The following DGLUCY variants were observed in gnomAD, a reference collection of about 807,000 sequenced individuals.
DGLUCY encodes D-glutamate cyclase, mitochondrial.
In DGLUCY, 58 loss-of-function variants were observed where a neutral mutation model predicts 58.5. The ratio of observed to expected loss-of-function variants is 0.99; its 90% CI spans 0.80 to 1.23. The LOEUF (loss-of-function observed/expected upper bound fraction) is 1.23, where lower values mean the gene tolerates loss of function less well. DGLUCY is among the 50% of genes most tolerant of loss of function. The pLI is 0.00. For missense variants in DGLUCY, 779 were observed against 784.7 expected, an observed-to-expected ratio of 0.99 and a Z score of 0.09; for synonymous variants, 325 against 314.1, an observed-to-expected ratio of 1.03 and a Z score of -0.37.
Position 91,170,002 on chromosome 14 carries a change from G to A in DGLUCY, c.258-1G>A, listed in dbSNP as rs531687748. On this transcript the variant is annotated splice_acceptor_variant, in intron 4 of 13. Transcript: ENST00000256324. LOFTEE classifies it high-confidence loss of function. ...TCCCAGCTTTCCCCTTATGTCCCCA[G>A]GATGGGCCATCCCCAGTTCTGGAAA... is the stretch of plus-strand genomic sequence containing the variant. The A allele has an allele frequency of 3.1e-6, 5 of 1,612,130 alleles. No homozygotes were observed. Among genetic ancestry groups the A allele is most frequent in the Non-Finnish European group, 4.2e-6 (5 of 1,179,992 alleles).
At chr14:91,198,083 C>T (rs1171564830) in intron 10 of DGLUCY, among the ~76,000 whole-genome samples, 2 of 152,218 alleles carry the variant, frequency 1.3e-5, no homozygotes, top group Non-Finnish European at 2.9e-5. Flanking sequence ...TGCTCTGTCG[C>T]CCAGTCTATA....
intron 12 of DGLUCY, among the ~76,000 whole-genome samples, chr14:91,205,378 C>T (rs1002999002): frequency 2.0e-5 from 3 of 152,198 alleles, no homozygotes; most frequent in Admixed American, 6.5e-5. Context: ...CAGGACCCAC[C>T]TTTCCTGTGT....
chr14:91,175,813 A>G (rs1041137841), intron 6 of DGLUCY, 121 bp from the exon 7 acceptor site: 2 of 1,165,722 alleles, frequency 1.7e-6, no homozygotes, highest in African/African-American at 3.0e-5. Context: ...TTCCTCAAAT[A>G]CCATTTACAA....
chr14:91,211,924 C>A (rs531219107), intron 12 of DGLUCY, among the ~76,000 whole-genome samples: 1 of 152,270 alleles, frequency 6.6e-6, no homozygotes, highest in Admixed American at 6.5e-5. Flanking sequence ...CCTCAGCCTC[C>A]CCAGTAGCTG....
chr14:91,085,001 A>C (rs556630214), intron 1 of DGLUCY, among the ~76,000 whole-genome samples: 14 of 152,166 alleles, frequency 9.2e-5, no homozygotes, highest in East Asian at 7.7e-4. Context: ...ACAGTAATAC[A>C]GTCTGAGTCC....
chr14:91,194,828 G>A (rs1031829548), intron 9 of DGLUCY, among the ~76,000 whole-genome samples: 8 of 152,102 alleles, frequency 5.3e-5, no homozygotes, highest in Middle Eastern at 3.4e-3. Context: ...TGTGAGCTAC[G>A]TGCCCGGCCA....
At chr14:91,111,248 G>GTGTATA (rs1555391921), upstream of DGLUCY, among the ~76,000 whole-genome samples, 5 of 81,154 alleles carry the variant, frequency 6.2e-5, no homozygotes, top group South Asian at 7.4e-4. Flanking sequence ...GTGTGTGTGT[G>GTGTATA]TATATATCTA....
chr14:91,193,008 T>G (rs113312137), intron 9 of DGLUCY, among the ~76,000 whole-genome samples: 2 of 152,098 alleles, frequency 1.3e-5, no homozygotes, highest in African/African-American at 4.8e-5. Flanking sequence ...GCTGTTGGCG[T>G]GTTGGTGGGC....
At chr14:91,108,555 G>C (rs1281706153) in intron 1 of DGLUCY, among the ~76,000 whole-genome samples, 2 of 148,970 alleles carry the variant, frequency 1.3e-5, no homozygotes, top group African/African-American at 2.5e-5. Flanking sequence ...GAGAGAGAGA[G>C]AGAGACAGAG....
At chr14:91,154,481 A>G (rs760064606) in intron 1 of DGLUCY, among the ~76,000 whole-genome samples, 13 of 152,186 alleles carry the variant, frequency 8.5e-5, no homozygotes, top group Admixed American at 8.5e-4. Context: ...GTCAATTTAC[A>G]TTGCCAGGGT....
chr14:91,098,334 GT>G (rs1335665894), intron 1 of DGLUCY, among the ~76,000 whole-genome samples: 1 of 151,874 alleles, frequency 6.6e-6, no homozygotes, highest in African/African-American at 2.4e-5. Flanking sequence ...GTGCGCATCT[GT>G]AAGTCCCAGC....
intron 1 of DGLUCY, among the ~76,000 whole-genome samples, chr14:91,155,538 G>A (rs941592284): frequency 2.6e-5 from 4 of 152,158 alleles, no homozygotes; most frequent in East Asian, 1.9e-4. Flanking sequence ...GGCCTTGCAC[G>A]GCGGCTCACT....
intron 13 of DGLUCY, 85 bp downstream of exon 13, chr14:91,215,641 A>G: frequency 6.2e-7 from 1 of 1,605,164 alleles, no homozygotes. Context: ...CCGTAAGCCG[A>G]GGGCTGGCAC....
intron 1 of DGLUCY, among the ~76,000 whole-genome samples, chr14:91,121,085 C>G (rs1319654343): frequency 6.6e-6 from 1 of 152,216 alleles, no homozygotes; most frequent in East Asian, 1.9e-4. Context: ...CACACTGTCA[C>G]CTACAGAGAC....
At chr14:91,092,228 G>A (rs868679623) in intron 1 of DGLUCY, among the ~76,000 whole-genome samples, 5 of 152,078 alleles carry the variant, frequency 3.3e-5, no homozygotes, top group African/African-American at 9.7e-5. Context: ...ACTGGCCTAC[G>A]GCTGCTCTTC....
At chr14:91,202,707 A>G (rs2050648523) in intron 11 of DGLUCY, among the ~76,000 whole-genome samples, 1 of 152,142 alleles carries the variant, frequency 6.6e-6, no homozygotes, top group Non-Finnish European at 1.5e-5. Context: ...GGTCTGAGGG[A>G]GCTGCTAGAG....
Position 91,140,358 on chromosome 14 carries a change from C to T in DGLUCY, c.-81-17281C>T, listed in dbSNP as rs112654725. Among the ~76,000 whole-genome samples the T allele has an allele frequency of 1.5e-3, 221 of 152,230 alleles. 2 individuals carry two copies. Among genetic ancestry groups the T allele is most frequent in the African/African-American group, 5.1e-3 (211 of 41,530 alleles). ...TGTTGTTTCCTACAATATAGTGATG[C>T]TTGAGTGATTATCTAAAGAAAATAA... On this transcript the variant is annotated intron_variant, in intron 1 of 13. Transcript: ENST00000256324.
chr14:91,060,781 C>A, intron 1 of DGLUCY: 1 of 197,398 alleles, frequency 5.1e-6, no homozygotes, highest in Non-Finnish European at 1.0e-5. Context: ...TCCCATTGGG[C>A]AGTACGCTGT....
intron 7 of DGLUCY, among the ~76,000 whole-genome samples, chr14:91,176,823 A>T (rs2048879919): frequency 6.6e-6 from 1 of 152,098 alleles, no homozygotes; most frequent in Admixed American, 6.6e-5. Flanking sequence ...GCTGGTCTTG[A>T]ACTCCTGGCC....
Sources: gnomAD v4.1 joint callset for allele counts (sites outside exome capture counted in the v4.1 genomes callset) on GRCh38, gnomAD v4.1.1 for gene constraint, MANE v1.5 for transcripts, NCBI Gene and HGNC (gene_info 2026-07-23, HGNC 2026-07-21) for gene names.